SERPINA4: variants seen among roughly 807,000 people sequenced by gnomAD.
SERPINA4 encodes the protein kallistatin.
A neutral mutation model predicts 25.4 loss-of-function variants in SERPINA4; 24 were observed. The ratio of observed to expected loss-of-function variants is 0.95; its 90% confidence interval spans 0.69 to 1.33. SERPINA4 has a LOEUF of 1.33. Among genes scored for constraint, SERPINA4 ranks in the 40% most tolerant of loss-of-function variants. The pLI is 0.00. For synonymous variants in SERPINA4, 242 were observed against 223.6 expected, an observed-to-expected ratio of 1.08 and a Z score of -0.73; for missense variants, 553 against 535.8, an observed-to-expected ratio of 1.03 and a Z score of -0.32.
chr14:94,561,684 G>A (rs1289329942), intron 1 of SERPINA4, 190 bp downstream of exon 1: 9 of 1,289,186 alleles, frequency 7.0e-6, no homozygotes, highest in African/African-American at 3.0e-5. Context: ...GAAAGGCCCC[G>A]ACTTAGGGTC....
At chr14:94,567,460 G>A (rs1902257498) in intron 3 of SERPINA4, among the ~76,000 whole-genome samples, 1 of 152,158 alleles carries the variant, frequency 6.6e-6, no homozygotes, top group Admixed American at 6.5e-5. Context: ...ACCACAGTAG[G>A]AGTTCAGAGT....
At chr14:94,564,411 T>C (rs1261593910) in intron 2 of SERPINA4, among the ~76,000 whole-genome samples, 1 of 152,244 alleles carries the variant, frequency 6.6e-6, no homozygotes, top group East Asian at 1.9e-4. Flanking sequence ...GCTGGATTCA[T>C]ATCTGAGCTC....
chr14:94,569,334 A>G, intron 4 of SERPINA4, 61 bp from the exon 5 acceptor site: 1 of 1,500,202 alleles, frequency 6.7e-7, no homozygotes, highest in South Asian at 1.2e-5. Flanking sequence ...TGGCTCTCGC[A>G]GTCTTGTCCA....
chr14:94,568,180 C>T lies in SERPINA4; in HGVS notation c.975C>T (p.Gly325=), dbSNP rs142660534. The T allele has an allele frequency of 1.2e-5, 19 of 1,614,136 alleles. No homozygotes were observed. The highest frequency in any genetic ancestry group is 1.4e-5 in the Non-Finnish European group (17 of 1,180,048). ...ATCTTCCCAAGTTCTCCATTTCTGGCTCCTATGTATTAGATCAGATTTTGC... is the reference window on the plus strand; with the variant it reads ...ATCTTCCCAAGTTCTCCATTTCTGGTTCCTATGTATTAGATCAGATTTTGC... The part of the protein sequence containing the change: ...ELHLPKFSIS[G]SYVLDQILPR... Residue 325 remains glycine (G), a synonymous_variant, in exon 4 of 5, where the codon GGC becomes GGT. Coordinates refer to ENST00000557004, the MANE Select transcript of SERPINA4 (RefSeq NM_006215.4).
intron 1 of SERPINA4, 134 bp from the exon 2 acceptor site, chr14:94,563,332 G>A: frequency 1.2e-6 from 1 of 855,530 alleles, no homozygotes; most frequent in Non-Finnish European, 1.8e-6. Flanking sequence ...GTGTTACATT[G>A]CCTTTCACAA....
chr14:94,569,625 CAGG>C lies in SERPINA4; in HGVS notation c.*35_*37del. On this transcript the variant is annotated 3_prime_UTR_variant, in exon 5 of 5. Transcript: ENST00000557004. ...CCCAGGGCTGCTCATCTGTTCCAAG[CAGG>C]AGGATGTGGCAGGGGAGGGCTGGGA... 1.2e-6 allele frequency: 2 copies of C among 1,610,856 alleles called. No homozygotes were observed. The highest frequency in any genetic ancestry group is 1.7e-6 in the Non-Finnish European group (2 of 1,177,262).
Position 94,569,871 on chromosome 14 carries a change from G to T in SERPINA4, c.*276G>T. ...AGGGGGCGGGCCCTTTTCACAACAG[G>T]CTGGTTGTACCGAGTAAACAACACG... On this transcript the variant is annotated 3_prime_UTR_variant, in exon 5 of 5. Coordinates refer to ENST00000557004, the MANE Select transcript of SERPINA4 (RefSeq NM_006215.4). 2.0e-6 allele frequency: 1 copy of T among 505,310 alleles called. No homozygotes were observed. The highest frequency in any genetic ancestry group is 3.6e-5 in the East Asian group (1 of 27,946). The allele number at this position is 505,310 out of a possible 1,614,324, so 31.3% of individuals were successfully genotyped here.
At chr14:94,561,931 C>A in intron 1 of SERPINA4, 1 of 1,255,238 alleles carries the variant, frequency 8.0e-7, no homozygotes, top group Non-Finnish European at 1.0e-6. Context: ...GACTAGGAAG[C>A]TTTCTGCAAG....
chr14:94,569,536 T>G lies in SERPINA4; in HGVS notation c.1225T>G (p.Ser409Ala), dbSNP rs772457867. 3 of 1,614,186 alleles carry G rather than the reference T, an allele frequency of 1.9e-6. No individual in the cohort carries two copies. The highest frequency in any genetic ancestry group is 1.1e-5 in the South Asian group (1 of 91,082). The change falls in exon 5 of 5, where the codon TCC becomes GCC. Residue 409 changes from serine to alanine, a missense_variant. By Grantham distance (99) the Ser-to-Ala change is moderately conservative. Coordinates refer to ENST00000557004, the MANE Select transcript of SERPINA4 (RefSeq NM_006215.4). Reference protein sequence around the residue: ...FNRPFLVVIFSTSTQSVLFLG... With the variant: ...FNRPFLVVIFATSTQSVLFLG... ...CCGGCCCTTCCTTGTGGTGATCTTT[T>G]CCACCAGCACCCAGAGTGTCCTCTT...
chr14:94,563,882 G>A lies in SERPINA4; in HGVS notation c.400G>A (p.Gly134Arg). 1 of 1,614,124 alleles carries A rather than the reference G, an allele frequency of 6.2e-7. No homozygotes were observed. Among genetic ancestry groups the A allele is most frequent in the Non-Finnish European group, 8.5e-7 (1 of 1,180,034 alleles). The change falls in exon 2 of 5, where the codon GGG becomes AGG. Residue 134 changes from glycine (G) to arginine (R), a missense_variant. Coordinates refer to ENST00000557004, the MANE Select transcript of SERPINA4 (RefSeq NM_006215.4). ...GCACACTCTCAACCTCCCCGGCCAT[G>A]GGCTGGAAACACGCGTGGGCAGTGC... is the stretch of plus-strand genomic sequence containing the variant. ...LLHTLNLPGH[G>R]LETRVGSALF... is the part of the protein sequence containing the mutation.
chr14:94,561,662 A>G, intron 1 of SERPINA4, 168 bp downstream of exon 1: 1 of 1,288,402 alleles, frequency 7.8e-7, no homozygotes, highest in Non-Finnish European at 1.0e-6. Context: ...GAGGTGAGAA[A>G]TACTCAGGCT....
chr14:94,564,147 T>C lies in SERPINA4; in HGVS notation c.649+16T>C. The C allele has an allele frequency of 6.3e-7, 1 of 1,598,318 alleles. No individual in the cohort carries two copies. On this transcript the variant is annotated intron_variant, in intron 2 of 4. Transcript: ENST00000557004. ...TACTTCAAAGGTGAGAGTCAGATCA[T>C]TGGTATATGCTAAATCCACACCACC... is the stretch of plus-strand genomic sequence containing the variant.
chr14:94,566,188 C>T (rs926941951), intron 2 of SERPINA4, among the ~76,000 whole-genome samples: 2 of 152,228 alleles, frequency 1.3e-5, no homozygotes, highest in African/African-American at 4.8e-5. Context: ...CCCTCCAAAG[C>T]TGCAAACCTG....
Position 94,568,191 on chromosome 14 carries a change from TA to T in SERPINA4, c.987del (p.Asp330IlefsTer77). 1 of 1,614,254 alleles carries T rather than the reference TA, an allele frequency of 6.2e-7. No individual in the cohort carries two copies. Among genetic ancestry groups the T allele is most frequent in the Non-Finnish European group, 8.5e-7 (1 of 1,180,042 alleles). On this transcript the variant is annotated frameshift_variant, in exon 4 of 5. Transcript: ENST00000557004. LOFTEE classifies it high-confidence loss of function. ...PKFSISGSYV[L>X]DQILPRLGFT... ...TTCTCCATTTCTGGCTCCTATGTATTAGATCAGATTTTGCCCAGGCTGGGCT... is the reference window on the plus strand; with the variant it reads ...TTCTCCATTTCTGGCTCCTATGTATTGATCAGATTTTGCCCAGGCTGGGCT...
intron 2 of SERPINA4, among the ~76,000 whole-genome samples, chr14:94,566,581 T>C (rs926257462): frequency 6.6e-6 from 1 of 152,108 alleles, no homozygotes; most frequent in Admixed American, 6.5e-5. Flanking sequence ...TGCCCTCCTC[T>C]CATCATGGCA....
Position 94,563,880 on chromosome 14 carries a change from A to T in SERPINA4, c.398A>T (p.His133Leu). Reference protein sequence around the residue: ...HLLHTLNLPGHGLETRVGSAL... With the variant: ...HLLHTLNLPGLGLETRVGSAL... ...CTGCACACTCTCAACCTCCCCGGCC[A>T]TGGGCTGGAAACACGCGTGGGCAGT... Residue 133 changes from histidine to leucine, a missense_variant, in exon 2 of 5, where the codon CAT (histidine) becomes CTT (leucine). His to Leu is a moderately conservative substitution (Grantham distance 99). Coordinates refer to ENST00000557004, the MANE Select transcript of SERPINA4 (RefSeq NM_006215.4). The T allele has an allele frequency of 6.2e-7, 1 of 1,614,138 alleles. No individual in the cohort carries two copies. The highest frequency in any genetic ancestry group is 8.5e-7 in the Non-Finnish European group (1 of 1,180,024).
In SERPINA4 at chr14:94,569,585, C is replaced by T. The variant is rs778351276; in HGVS notation, c.1274C>T (p.Thr425Met). Residue 425 changes from threonine to methionine, a missense_variant, in exon 5 of 5, where the codon ACG becomes ATG. Transcript: ENST00000557004. Reference sequence around the variant, plus strand: ...TTTCTGGGCAAGGTCGTCGACCCCACGAAACCATAGCCCTCCCAGGGCTGC... The same window carrying T: ...TTTCTGGGCAAGGTCGTCGACCCCATGAAACCATAGCCCTCCCAGGGCTGC... Reference protein sequence around the residue: ...VLFLGKVVDPTKP With the variant: ...VLFLGKVVDPMKP 21 of 1,614,060 alleles carry T rather than the reference C, an allele frequency of 1.3e-5. No individual in the cohort carries two copies. Among genetic ancestry groups the T allele is most frequent in the Middle Eastern group, 1.6e-4 (1 of 6,084 alleles).
At position 94,568,186 on chromosome 14, in the gene SERPINA4, T is replaced by C. The variant is rs771779934; in HGVS notation, c.981T>C (p.Tyr327=). The change falls in exon 4 of 5, where the codon TAT becomes TAC. Residue 327 remains tyrosine (Y), a synonymous_variant. Transcript: ENST00000557004. ...HLPKFSISGS[Y]VLDQILPRLG... ...CCAAGTTCTCCATTTCTGGCTCCTATGTATTAGATCAGATTTTGCCCAGGC... is the reference window on the plus strand; with the variant it reads ...CCAAGTTCTCCATTTCTGGCTCCTACGTATTAGATCAGATTTTGCCCAGGC... 1 of 1,614,128 alleles carries C rather than the reference T, an allele frequency of 6.2e-7. No individual in the cohort carries two copies. The highest frequency in any genetic ancestry group is 8.5e-7 in the Non-Finnish European group (1 of 1,180,042).
intron 3 of SERPINA4, among the ~76,000 whole-genome samples, chr14:94,567,501 A>G (rs1902258707): frequency 6.6e-6 from 1 of 152,184 alleles, no homozygotes; most frequent in Non-Finnish European, 1.5e-5. Context: ...CTTCCACTGC[A>G]CAAGACTTGG....
Sources: gnomAD v4.1 joint callset for allele counts (sites outside exome capture counted in the v4.1 genomes callset) on GRCh38, gnomAD v4.1.1 for gene constraint, MANE v1.5 for transcripts, NCBI Gene and HGNC (gene_info 2026-07-23, HGNC 2026-07-21) for gene names.